Variants in BRI3 observed in about 807,000 individuals in gnomAD.
BRI3 encodes membrane protein BRI3.
Under a neutral mutation model 12.8 loss-of-function variants are expected in BRI3, and 6 were observed. The ratio of observed to expected loss-of-function variants is 0.47; its 90% CI spans 0.26 to 0.93. The LOEUF is 0.93. Among genes scored for constraint, BRI3 ranks in the 40% least tolerant of loss-of-function variants. BRI3 has a pLI of 0.15. For synonymous variants in BRI3, 91 were observed against 76.1 expected (o/e 1.20, Z -1.02); for missense variants, 134 against 171.1 (o/e 0.78, Z 1.21).
chr7:98,308,382 C>A, exon 2 of BRI3: 2 of 429,664 alleles, frequency 4.7e-6, no homozygotes, highest in South Asian at 1.7e-5. Flanking sequence ...CACCCCCAGG[C>A]CTAAGAAGGA....
chr7:98,293,638 G>A (rs371009713), downstream of BRI3: 104 of 1,576,612 alleles, frequency 6.6e-5, no homozygotes, highest in Middle Eastern at 8.8e-4. Flanking sequence ...TCTGCTCTAC[G>A]AGGGAAACTG....
rs201592986 is a variant in BRI3 at position 98,289,565 on chromosome 7, T to TC, written c.246-1540dup. On this transcript the variant is annotated intron_variant, in intron 2 of 2. Coordinates refer to ENST00000297290, the MANE Select transcript of BRI3 (RefSeq NM_015379.5). Reference sequence around the variant, plus strand: ...GCACTGCCTTGCTGTAGGCTCCCCTTCCCCCCTAAGCACCAGGTCCCATCA... The same window carrying TC: ...GCACTGCCTTGCTGTAGGCTCCCCTTCCCCCCCTAAGCACCAGGTCCCATCA... Among the ~76,000 whole-genome samples the TC allele has an allele frequency of 5.0e-3, 760 of 152,194 alleles. 15 individuals are homozygous for TC. Among genetic ancestry groups the TC allele is most frequent in the African/African-American group, 0.017 (712 of 41,502 alleles).
At chr7:98,297,777 C>T (rs1337389334), downstream of BRI3, among the ~76,000 whole-genome samples, 2 of 152,220 alleles carry the variant, frequency 1.3e-5, no homozygotes, top group East Asian at 1.9e-4. Context: ...TGCAGGCCTG[C>T]ACCGGGGGCA....
intron 2 of BRI3, 78 bp downstream of exon 2, chr7:98,282,531 C>G (rs1799561227): frequency 8.1e-6 from 10 of 1,232,558 alleles, no homozygotes; most frequent in South Asian, 1.2e-5. Flanking sequence ...CCTCACAGCT[C>G]TGCTTGTGGG....
chr7:98,293,689 C>T, downstream of BRI3: 1 of 1,282,056 alleles, frequency 7.8e-7, no homozygotes, highest in South Asian at 1.2e-5. Flanking sequence ...CCCTGTGAGA[C>T]TGGGCGGCTG....
chr7:98,292,693 C>G, downstream of BRI3: 1 of 1,551,638 alleles, frequency 6.4e-7, no homozygotes, highest in Non-Finnish European at 8.7e-7. Flanking sequence ...GTACCTGATT[C>G]AAACACGGAG....
intron 1 of BRI3, among the ~76,000 whole-genome samples, chr7:98,298,896 C>G (rs1000987819): frequency 5.3e-5 from 8 of 152,110 alleles, no homozygotes; most frequent in African/African-American, 1.9e-4. Context: ...GGCTGCAGTG[C>G]AGTGGCACAA....
chr7:98,298,917 C>CT, intron 1 of BRI3, among the ~76,000 whole-genome samples: 1 of 152,240 alleles, frequency 6.6e-6, no homozygotes, highest in Admixed American at 6.5e-5. Flanking sequence ...TGACAGCTCA[C>CT]TGCAGCCTCG....
intron 2 of BRI3, among the ~76,000 whole-genome samples, chr7:98,290,743 CCCGCCT>C (rs1168726523): frequency 3.3e-5 from 5 of 152,334 alleles, no homozygotes; most frequent in Admixed American, 2.0e-4. Context: ...AGGTGATCCA[CCCGCCT>C]CCGCCTCCCA....
exon 2 of BRI3, chr7:98,308,571 C>T (rs1800752278): frequency 6.0e-6 from 2 of 331,716 alleles, no homozygotes; most frequent in Non-Finnish European, 1.2e-5. Context: ...CAGGTTTGTC[C>T]CATACTCTCT....
downstream of BRI3, among the ~76,000 whole-genome samples, chr7:98,313,982 CTT>C (rs35599338): frequency 0.017 from 1,728 of 100,878 alleles, 29 homozygotes; most frequent in African/African-American, 0.06. Flanking sequence ...CTTTTTCTTC[CTT>C]TTTTTTTTTT....
At chr7:98,311,463 C>T (rs1314379965), downstream of BRI3, among the ~76,000 whole-genome samples, 2 of 150,746 alleles carry the variant, frequency 1.3e-5, no homozygotes, top group South Asian at 4.2e-4. Context: ...ATGGCGTGAA[C>T]CCAGGAGACG....
the BRI3 span, chr7:98,317,112 C>A: frequency 1.8e-5 from 26 of 1,432,410 alleles, no homozygotes; most frequent in Non-Finnish European, 2.4e-5. Context: ...CTCGGCCTCC[C>A]AAAGTGCTGG....
At chr7:98,307,457 G>A (rs1296155186) in intron 1 of BRI3, 2 of 1,398,458 alleles carry the variant, frequency 1.4e-6, no homozygotes, top group Admixed American at 3.0e-5. Flanking sequence ...CTTTCAGACA[G>A]GTGACTTCAT....
At chr7:98,318,602 G>T in the BRI3 span, among the ~76,000 whole-genome samples, 3 of 151,210 alleles carry the variant, frequency 2.0e-5, no homozygotes, top group African/African-American at 2.4e-5. Flanking sequence ...AAACGGACCC[G>T]CGTCAGAATT....
upstream of BRI3, among the ~76,000 whole-genome samples, chr7:98,306,253 C>T (rs1800652018): frequency 6.6e-6 from 1 of 152,082 alleles, no homozygotes; most frequent in South Asian, 2.1e-4. Context: ...CTCCTCACAG[C>T]AGCAAAGCTC....
At chr7:98,311,929 C>T (rs548489226), downstream of BRI3, among the ~76,000 whole-genome samples, 63 of 152,238 alleles carry the variant, frequency 4.1e-4, 1 homozygote, top group Non-Finnish European at 5.1e-4. Context: ...AAAAAACAAA[C>T]ATGTGCCCAG....
At chr7:98,317,132 C>G in the BRI3 span, 20 of 1,542,480 alleles carry the variant, frequency 1.3e-5, no homozygotes, top group African/African-American at 2.7e-4. Flanking sequence ...GGATTACAGG[C>G]GTGAGCCACC....
At chr7:98,299,499 GACC>G in intron 1 of BRI3, among the ~76,000 whole-genome samples, 1 of 150,580 alleles carries the variant, frequency 6.6e-6, no homozygotes, top group South Asian at 2.1e-4. Context: ...CCTGCTTCTT[GACC>G]ACCACGTTAT....
Sources: gnomAD v4.1 joint callset for allele counts (sites outside exome capture counted in the v4.1 genomes callset) on GRCh38, gnomAD v4.1.1 for gene constraint, MANE v1.5 for transcripts, NCBI Gene and HGNC (gene_info 2026-07-23, HGNC 2026-07-21) for gene names.